The following SLC35F3 variants were observed in gnomAD, a reference collection of about 807,000 sequenced individuals.
SLC35F3 encodes the protein putative thiamine transporter SLC35F3.
SLC35F3 carries 25 observed loss-of-function variants against 49.9 expected under a neutral mutation model. The observed-to-expected ratio is 0.50, with a 90% CI of 0.37 to 0.70. The LOEUF is 0.70. Ranked by LOEUF, SLC35F3 falls within the 30% of genes least tolerant of loss-of-function variation. The pLI is 0.00. For synonymous variants in SLC35F3, 275 were observed against 265.4 expected (o/e 1.04, Z -0.35); for missense variants, 525 against 639.8 (o/e 0.82, Z 1.94).
chr1:233,964,768 T>C lies in SLC35F3; in HGVS notation c.283+59010T>C, dbSNP rs1472273391. Among the ~76,000 whole-genome samples the C allele has an allele frequency of 2.6e-5, 4 of 152,238 alleles. No individual in the cohort carries two copies. The East Asian group carries it at 7.7e-4, about 29-fold the overall frequency. On this transcript the variant is annotated intron_variant, in intron 2 of 7. Transcript: ENST00000366618. ...AGTTCTGATGGTAGCACCTATGCCA[T>C]GCTGATGAGTTCCTTTGAGGGCTGT... is the stretch of plus-strand genomic sequence containing the variant.
Position 234,316,549 on chromosome 1 carries a change from C to G in SLC35F3, c.829-53C>G, listed in dbSNP as rs537696769. 9 of 1,565,176 alleles carry G rather than the reference C, an allele frequency of 5.8e-6. No individual in the cohort carries two copies. In the Middle Eastern group the frequency reaches 6.4e-4, roughly 110 times the overall value. ...TCCAGCTCTTTGGCGCTTGCATACT[C>G]CCTCTGACTCCGTCCCGACTTCCCT... On this transcript the variant is annotated intron_variant, in intron 4 of 7. Coordinates refer to ENST00000366618, the MANE Select transcript of SLC35F3 (RefSeq NM_173508.4).
intron 2 of SLC35F3, among the ~76,000 whole-genome samples, chr1:233,975,735 C>T (rs1407898200): frequency 6.6e-6 from 1 of 152,148 alleles, no homozygotes; most frequent in Admixed American, 6.5e-5. Flanking sequence ...TCGGCCAGCA[C>T]CCAGAGTGGC....
chr1:234,082,568 T>A (rs1368240935), intron 2 of SLC35F3, among the ~76,000 whole-genome samples: 1 of 152,194 alleles, frequency 6.6e-6, no homozygotes, highest in East Asian at 1.9e-4. Flanking sequence ...CCAGTGATAG[T>A]TGACACTGTA....
intron 2 of SLC35F3, among the ~76,000 whole-genome samples, chr1:234,139,448 C>G (rs183662420): frequency 3.3e-5 from 5 of 152,266 alleles, no homozygotes; most frequent in Admixed American, 3.3e-4. Context: ...TAAAAATCCT[C>G]TAAGTAAAGG....
At chr1:234,209,961 A>G (rs558656941) in intron 2 of SLC35F3, among the ~76,000 whole-genome samples, 11 of 152,316 alleles carry the variant, frequency 7.2e-5, no homozygotes, top group African/African-American at 2.4e-4. Context: ...AGCACTTACG[A>G]TATGGTTTGG....
chr1:234,058,846 T>C (rs1233215425), intron 2 of SLC35F3, among the ~76,000 whole-genome samples: 2 of 152,212 alleles, frequency 1.3e-5, no homozygotes, highest in African/African-American at 2.4e-5. Context: ...TAATAAAATC[T>C]CTTTACTCAT....
intron 2 of SLC35F3, among the ~76,000 whole-genome samples, chr1:234,041,990 G>T (rs1340531344): frequency 6.6e-6 from 1 of 152,154 alleles, no homozygotes; most frequent in African/African-American, 2.4e-5. Flanking sequence ...TATGGCATCA[G>T]TGGGGCCCAT....
intron 2 of SLC35F3, among the ~76,000 whole-genome samples, chr1:234,048,954 T>C (rs1664333686): frequency 6.6e-6 from 1 of 152,152 alleles, no homozygotes. Context: ...ATTGCATTTT[T>C]GACACACATA....
chr1:234,236,317 G>C (rs1667466716), intron 3 of SLC35F3, among the ~76,000 whole-genome samples: 1 of 152,098 alleles, frequency 6.6e-6, no homozygotes, highest in Non-Finnish European at 1.5e-5. Flanking sequence ...TGGTGCACCT[G>C]TAGTCCCAGC....
intron 2 of SLC35F3, among the ~76,000 whole-genome samples, chr1:234,016,852 C>T (rs141053777): frequency 2.2e-3 from 340 of 152,282 alleles, no homozygotes; most frequent in African/African-American, 7.6e-3. Context: ...CCTTTGTTCG[C>T]TTACACCACT....
chr1:233,906,773 A>G (rs1039586293), intron 2 of SLC35F3, among the ~76,000 whole-genome samples: 3 of 152,212 alleles, frequency 2.0e-5, no homozygotes, highest in African/African-American at 4.8e-5. Context: ...AAAAATGTCT[A>G]TCTTTAGATT....
At chr1:234,281,492 C>A (rs1435725999) in intron 3 of SLC35F3, among the ~76,000 whole-genome samples, 1 of 152,206 alleles carries the variant, frequency 6.6e-6, no homozygotes, top group East Asian at 1.9e-4. Flanking sequence ...CAGAGTGGAT[C>A]AAAGTCAGTC....
chr1:233,955,378 G>A (rs534447378), intron 2 of SLC35F3, among the ~76,000 whole-genome samples: 8 of 152,040 alleles, frequency 5.3e-5, no homozygotes, highest in South Asian at 2.1e-4. Context: ...AACCCCCAGC[G>A]TATGCCCCAA....
intron 2 of SLC35F3, among the ~76,000 whole-genome samples, chr1:233,956,474 G>T (rs1366910359): frequency 1.3e-5 from 2 of 152,192 alleles, no homozygotes; most frequent in African/African-American, 4.8e-5. Context: ...CTATGGTTGT[G>T]GGGGAAAGGC....
At chr1:234,000,093 G>T (rs1663528175) in intron 2 of SLC35F3, among the ~76,000 whole-genome samples, 1 of 152,062 alleles carries the variant, frequency 6.6e-6, no homozygotes, top group East Asian at 1.9e-4. Context: ...GTGTAACGAG[G>T]ATATTCAAAG....
At chr1:233,991,613 T>C (rs1572011326) in intron 2 of SLC35F3, among the ~76,000 whole-genome samples, 1 of 152,136 alleles carries the variant, frequency 6.6e-6, no homozygotes, top group Non-Finnish European at 1.5e-5. Flanking sequence ...TGTGCTATAG[T>C]GTTAAGGAAA....
rs367698838 is a variant in SLC35F3 at position 234,023,546 on chromosome 1, A to C, written c.283+117788A>C. On this transcript the variant is annotated intron_variant, in intron 2 of 7. Coordinates refer to ENST00000366618, the MANE Select transcript of SLC35F3 (RefSeq NM_173508.4). ...GGAGACAAATCTCCTTTGCAGTACA[A>C]GTACAAATAACTTAGATAGACACTC... Among the ~76,000 whole-genome samples, 26 of 152,320 alleles carry C rather than the reference A, an allele frequency of 1.7e-4. No individual in the cohort carries two copies. In the East Asian group the frequency reaches 4.6e-3, roughly 27 times the overall value.
At chr1:234,116,398 G>C (rs1214192115) in intron 2 of SLC35F3, among the ~76,000 whole-genome samples, 1 of 152,138 alleles carries the variant, frequency 6.6e-6, no homozygotes, top group Non-Finnish European at 1.5e-5. Context: ...TTCTTATTAA[G>C]TCACAAGACC....
At chr1:233,994,819 T>C (rs1360401486) in intron 2 of SLC35F3, among the ~76,000 whole-genome samples, 2 of 151,954 alleles carry the variant, frequency 1.3e-5, no homozygotes, top group African/African-American at 4.8e-5. Context: ...AGGCAGTTTC[T>C]AAGTTTTTCG....
Sources: allele counts gnomAD v4.1 joint callset (sites outside exome capture counted in the v4.1 genomes callset), GRCh38; gene constraint gnomAD v4.1.1; transcripts MANE v1.5; gene names NCBI Gene and HGNC (gene_info 2026-07-23, HGNC 2026-07-21).